Variants in EXOC6 observed in about 807,000 individuals in gnomAD.
EXOC6 encodes SEC15-like 1.
Under a neutral mutation model 112.5 loss-of-function variants are expected in EXOC6, and 60 were observed. That is an observed-to-expected ratio of 0.53 (90% confidence interval 0.43 to 0.66). The LOEUF is 0.66. EXOC6 is among the 30% of genes least tolerant of loss of function. The pLI, the probability that EXOC6 is intolerant of heterozygous loss-of-function variation, is 0.00. For missense variants in EXOC6, 855 were observed against 957.1 expected (o/e 0.89, Z 1.41); for synonymous variants, 295 against 308.0 (o/e 0.96, Z 0.44).
Position 93,005,386 on chromosome 10 carries a change from T to C in EXOC6, c.2095+7771T>C, listed in dbSNP as rs565474183. On this transcript the variant is annotated intron_variant, in intron 19 of 21. Coordinates refer to ENST00000260762, the MANE Select transcript of EXOC6 (RefSeq NM_019053.6). ...CAAGTTCAAGATAAATGTCTTCTTA[T>C]TTGGAGGAGCATTTGCCAAGGTATG... is the stretch of plus-strand genomic sequence containing the variant. Among the ~76,000 whole-genome samples, 116 of 152,296 alleles carry C rather than the reference T, an allele frequency of 7.6e-4. 1 individual carries two copies. Among genetic ancestry groups the C allele is most frequent in the Admixed American group, 7.1e-3 (108 of 15,292 alleles).
At chr10:92,905,104 C>A (rs1850371378) in intron 5 of EXOC6, among the ~76,000 whole-genome samples, 1 of 151,958 alleles carries the variant, frequency 6.6e-6, no homozygotes, top group African/African-American at 2.4e-5. Flanking sequence ...TTGTGTATTT[C>A]TGTGCTTTCT....
At chr10:92,976,792 A>G (rs1842640287) in intron 18 of EXOC6, among the ~76,000 whole-genome samples, 1 of 152,168 alleles carries the variant, frequency 6.6e-6, no homozygotes, top group South Asian at 2.1e-4. Flanking sequence ...CTATCCTGGC[A>G]CGTAGTCATA....
chr10:92,831,769 A>T (rs2133562840), upstream of EXOC6, among the ~76,000 whole-genome samples: 1 of 152,286 alleles, frequency 6.6e-6, no homozygotes, highest in Non-Finnish European at 1.5e-5. Context: ...TCTCTCCAAT[A>T]TTAGGAGCAT....
chr10:92,969,486 C>A (rs1343010036), intron 17 of EXOC6, among the ~76,000 whole-genome samples: 3 of 152,090 alleles, frequency 2.0e-5, no homozygotes, highest in Non-Finnish European at 4.4e-5. Flanking sequence ...GCCACTAACT[C>A]AAAAATAGTA....
chr10:92,940,164 G>C (rs932383685), intron 12 of EXOC6, among the ~76,000 whole-genome samples: 3 of 152,260 alleles, frequency 2.0e-5, no homozygotes, highest in Middle Eastern at 3.4e-3. Context: ...AAACCTTGGA[G>C]AGACAAGTGG....
intron 7 of EXOC6, among the ~76,000 whole-genome samples, chr10:92,918,684 A>G (rs1290435599): frequency 1.3e-5 from 2 of 152,234 alleles, no homozygotes. Context: ...TTGGCCTCCT[A>G]AAGTGCTGGG....
intron 1 of EXOC6, among the ~76,000 whole-genome samples, chr10:92,854,090 AAATT>A (rs1452160373): frequency 6.6e-6 from 1 of 152,108 alleles, no homozygotes; most frequent in Admixed American, 6.6e-5. Context: ...TCCAATAAAT[AAATT>A]CTGTCTAGAA....
At chr10:93,037,182 G>A (rs531840412) in intron 20 of EXOC6, among the ~76,000 whole-genome samples, 1 of 139,616 alleles carries the variant, frequency 7.2e-6, no homozygotes, top group South Asian at 2.2e-4. Context: ...TTTCTCTGTC[G>A]CCCAGGCTGG....
chr10:93,003,007 A>C (rs577585723), intron 19 of EXOC6, among the ~76,000 whole-genome samples: 1 of 152,258 alleles, frequency 6.6e-6, no homozygotes, highest in East Asian at 1.9e-4. Flanking sequence ...AGGAACTCAG[A>C]TTGGAAATCA....
chr10:92,949,495 T>G lies in EXOC6; in HGVS notation c.1416+1116T>G, dbSNP rs570817680. ...ATATTCTCTATCTCATGGCTTAGTT[T>G]TTTTTTTTTTTAGTTACTGGTAATG... is the stretch of plus-strand genomic sequence containing the variant. On this transcript the variant is annotated intron_variant, in intron 14 of 21. Coordinates refer to ENST00000260762, the MANE Select transcript of EXOC6 (RefSeq NM_019053.6). Among the ~76,000 whole-genome samples, 3 of 152,000 alleles carry G rather than the reference T, an allele frequency of 2.0e-5. No individual in the cohort carries two copies. In the South Asian group the frequency reaches 6.2e-4, roughly 31 times the overall value.
At chr10:92,854,049 A>C (rs888917618) in intron 1 of EXOC6, among the ~76,000 whole-genome samples, 1 of 151,690 alleles carries the variant, frequency 6.6e-6, no homozygotes, top group Admixed American at 6.6e-5. Context: ...GGTGAGCCAC[A>C]GATTGGGAGA....
At chr10:92,967,627 T>C (rs1162263377) in intron 17 of EXOC6, among the ~76,000 whole-genome samples, 1 of 152,196 alleles carries the variant, frequency 6.6e-6, no homozygotes, top group African/African-American at 2.4e-5. Flanking sequence ...TGAATCTGGC[T>C]TTTAAAAGCT....
intron 19 of EXOC6, among the ~76,000 whole-genome samples, chr10:93,006,268 G>A (rs964162967): frequency 2.6e-5 from 4 of 152,104 alleles, no homozygotes; most frequent in Admixed American, 1.3e-4. Context: ...AAAAAGGGCT[G>A]TGCCCCATAA....
chr10:93,042,948 TATTATTATTA>T (rs1564933915), intron 20 of EXOC6, among the ~76,000 whole-genome samples: 1 of 150,278 alleles, frequency 6.7e-6, no homozygotes, highest in African/African-American at 2.4e-5. Flanking sequence ...TTATTATTAT[TATTATTATTA>T]TTTTTTGAGA....
intron 17 of EXOC6, among the ~76,000 whole-genome samples, chr10:92,958,094 G>A (rs1267941032): frequency 2.0e-5 from 3 of 152,114 alleles, no homozygotes; most frequent in Non-Finnish European, 4.4e-5. Flanking sequence ...TTATGAAATA[G>A]CATATAGACT....
intron 20 of EXOC6, among the ~76,000 whole-genome samples, chr10:93,024,827 G>A (rs1844952150): frequency 6.6e-6 from 1 of 152,170 alleles, no homozygotes; most frequent in Non-Finnish European, 1.5e-5. Context: ...AACATCCTTT[G>A]GCAAATGCTT....
chr10:92,833,055 A>G (rs1324193126), upstream of EXOC6, among the ~76,000 whole-genome samples: 1 of 152,186 alleles, frequency 6.6e-6, no homozygotes, highest in Non-Finnish European at 1.5e-5. Context: ...TTGGTGCTGC[A>G]TTTGTTCCAT....
intron 2 of EXOC6, among the ~76,000 whole-genome samples, 157 bp from the exon 3 acceptor site, chr10:92,894,633 TTTTC>T: frequency 6.6e-6 from 1 of 152,158 alleles, no homozygotes; most frequent in Non-Finnish European, 1.5e-5. Flanking sequence ...ACAAAAGCCC[TTTTC>T]AATCAAAAGT....
intron 8 of EXOC6, among the ~76,000 whole-genome samples, chr10:92,920,656 T>C (rs1851380640): frequency 6.6e-6 from 1 of 152,224 alleles, no homozygotes; most frequent in South Asian, 2.1e-4. Flanking sequence ...GTTGGTCTTC[T>C]GCCTATTCTG....
Sources: allele counts gnomAD v4.1 joint callset (sites outside exome capture counted in the v4.1 genomes callset), GRCh38; gene constraint gnomAD v4.1.1; transcripts MANE v1.5; gene names NCBI Gene and HGNC (gene_info 2026-07-23, HGNC 2026-07-21).